ANKRD50: variants seen among roughly 807,000 people sequenced by gnomAD.
The protein encoded by ANKRD50 is ankyrin repeat domain-containing protein 50.
In ANKRD50, 40 loss-of-function variants were observed where a neutral mutation model predicts 112.0. The observed-to-expected ratio is 0.36, with a 90% CI of 0.28 to 0.46. The LOEUF (loss-of-function observed/expected upper bound fraction) is 0.46, where lower values mean the gene tolerates loss of function less well. Ranked by LOEUF, ANKRD50 falls within the 20% of genes least tolerant of loss-of-function variation. The pLI is 1.00. For missense variants in ANKRD50, 1,487 were observed against 1,701.7 expected (o/e 0.87, Z 2.22); for synonymous variants, 613 against 619.1 (o/e 0.99, Z 0.15).
At chr4:124,708,383 G>T (rs1725552767) in intron 2 of ANKRD50, among the ~76,000 whole-genome samples, 3 of 152,042 alleles carry the variant, frequency 2.0e-5, no homozygotes. Flanking sequence ...AACAACAAAA[G>T]ATAATAGATT....
At chr4:124,708,962 G>C (rs1725567249) in intron 2 of ANKRD50, among the ~76,000 whole-genome samples, 1 of 151,076 alleles carries the variant, frequency 6.6e-6, no homozygotes, top group African/African-American at 2.4e-5. Flanking sequence ...AAAATGTATA[G>C]ATTTCACCCC....
rs141676247 is a variant in ANKRD50 at position 124,669,348 on chromosome 4, A to G, written c.3929T>C (p.Ile1310Thr). The change falls in exon 4 of 5, where the codon ATA becomes ACA. Residue 1310 changes from isoleucine to threonine, a missense_variant. Ile to Thr is a moderately conservative substitution (Grantham distance 89, BLOSUM62 -1). Coordinates refer to ENST00000504087, the MANE Select transcript of ANKRD50 (RefSeq NM_020337.3). The stretch of plus-strand genomic sequence containing the variant: ...TGGTGCAGCAGTCCCGGATTTGGCT[A>G]TAGGTCCTCTTCTATCAAACTGAGT... ...EMTQFDRRGP[I>T]AKSGTAAPPK... The G allele has an allele frequency of 6.2e-7, 1 of 1,613,596 alleles. No homozygotes were observed. Among genetic ancestry groups the G allele is most frequent in the Non-Finnish European group, 8.5e-7 (1 of 1,179,826 alleles).
At chr4:124,707,009 A>G (rs1023067039) in intron 2 of ANKRD50, among the ~76,000 whole-genome samples, 10 of 152,082 alleles carry the variant, frequency 6.6e-5, no homozygotes, top group Non-Finnish European at 1.5e-5. Context: ...AAGAATCTTA[A>G]GTTGAACTAT....
intron 2 of ANKRD50, among the ~76,000 whole-genome samples, chr4:124,702,948 A>G (rs1725422723): frequency 6.6e-6 from 1 of 152,072 alleles, no homozygotes; most frequent in Non-Finnish European, 1.5e-5. Flanking sequence ...GGGACTACCA[A>G]GTGAAAGGAT....
Position 124,671,843 on chromosome 4 carries a change from A to G in ANKRD50, c.1434T>C (p.Asn478=), listed in dbSNP as rs148692771. The G allele has an allele frequency of 3.6e-4, 581 of 1,613,916 alleles. No homozygotes were observed. Among genetic ancestry groups the G allele is most frequent in the Non-Finnish European group, 4.6e-4 (543 of 1,179,880 alleles). Residue 478 remains asparagine, a synonymous_variant, in exon 4 of 5, where the codon AAT becomes AAC. Coordinates refer to ENST00000504087, the MANE Select transcript of ANKRD50 (RefSeq NM_020337.3). ...TAELALWMIW[N]GTPVRDSLST... The stretch of plus-strand genomic sequence containing the variant: ...AAAGGGAATCTCTGACAGGTGTACC[A>G]TTCCATATCATCCACAGAGCTAACT...
chr4:124,670,155 G>A lies in ANKRD50; in HGVS notation c.3122C>T (p.Thr1041Ile), dbSNP rs1730602755. The change falls in exon 4 of 5, where the codon ACA (threonine) becomes ATA (isoleucine). Residue 1041 changes from threonine to isoleucine, a missense_variant. Physicochemically the swap from Thr to Ile is moderately conservative, Grantham distance 89. This residue lies in a region of ANKRD50 where 1,046 missense variants were observed against 1,269.5 expected (regional missense o/e 0.82). Coordinates refer to ENST00000504087, the MANE Select transcript of ANKRD50 (RefSeq NM_020337.3). ...LIEHGAVVDH[T>I]CNQGATALCI... The stretch of plus-strand genomic sequence containing the variant: ...GAGTGCAGTTGCACCTTGGTTACAT[G>A]TATGGTCAACTACAGCACCATGCTC... 6.2e-7 allele frequency: 1 copy of A among 1,612,076 alleles called. No homozygotes were observed. The highest frequency in any genetic ancestry group is 8.5e-7 in the Non-Finnish European group (1 of 1,179,422).
chr4:124,691,316 C>G (rs1267051695), intron 2 of ANKRD50, among the ~76,000 whole-genome samples: 2 of 150,926 alleles, frequency 1.3e-5, no homozygotes, highest in African/African-American at 4.9e-5. Flanking sequence ...CAAGGTGAAA[C>G]CCCGTCTCTA....
intron 2 of ANKRD50, among the ~76,000 whole-genome samples, chr4:124,708,760 C>T (rs977003954): frequency 6.7e-6 from 1 of 149,928 alleles, no homozygotes; most frequent in Non-Finnish European, 1.5e-5. Flanking sequence ...CTGCCATTTA[C>T]TAGTCTGTAA....
At position 124,666,325 on chromosome 4, in the gene ANKRD50, GA is replaced by G. The variant is rs1730489576; in HGVS notation, c.*1192del. 1 of 152,416 alleles carries G rather than the reference GA, an allele frequency of 6.6e-6. No homozygotes were observed. Among genetic ancestry groups the G allele is most frequent in the South Asian group, 2.1e-4 (1 of 4,822 alleles). The allele number at this position is 152,416 out of a possible 1,614,324, so 9.4% of individuals were successfully genotyped here. A position where few individuals can be genotyped will look rare whatever the true frequency, so the allele number is the denominator to read the frequency against. On this transcript the variant is annotated 3_prime_UTR_variant, in exon 5 of 5. Coordinates refer to ENST00000504087, the MANE Select transcript of ANKRD50 (RefSeq NM_020337.3). ...TGCAATTGTACAAAGAAGAAAACAGGAAAGAGTATGAGGATAGAAAAGTGCA... is the reference window on the plus strand; with the variant it reads ...TGCAATTGTACAAAGAAGAAAACAGGAAGAGTATGAGGATAGAAAAGTGCA...
chr4:124,673,847 T>A (rs1198199625), intron 3 of ANKRD50, among the ~76,000 whole-genome samples: 1 of 152,122 alleles, frequency 6.6e-6, no homozygotes, highest in Non-Finnish European at 1.5e-5. Flanking sequence ...GCCCTTTGTA[T>A]ATAGATTTAT....
rs1730514428 is a variant in ANKRD50, at chr4:124,667,188, C to T, written c.*330G>A. ...TATATATTTGATTATGGCACATGCA[C>T]ATTTTTTATCACATCTTAACTTAAA... is the stretch of plus-strand genomic sequence containing the variant. On this transcript the variant is annotated 3_prime_UTR_variant, in exon 5 of 5. Transcript: ENST00000504087. The T allele has an allele frequency of 6.6e-6, 1 of 151,982 alleles. No homozygotes were observed. 9.4% of individuals were successfully genotyped at this position (151,982 alleles called of 1,614,324 possible).
chr4:124,679,622 T>G (rs2110513202), intron 2 of ANKRD50, among the ~76,000 whole-genome samples: 1 of 152,272 alleles, frequency 6.6e-6, no homozygotes, highest in East Asian at 1.9e-4. Flanking sequence ...GTGGGGTCAA[T>G]AAGGTGCTGA....
intron 2 of ANKRD50, among the ~76,000 whole-genome samples, chr4:124,709,102 C>T (rs1159814605): frequency 6.6e-6 from 1 of 150,778 alleles, no homozygotes; most frequent in Non-Finnish European, 1.5e-5. Flanking sequence ...GCACAGTATA[C>T]CAGAATCTTT....
In ANKRD50 at chr4:124,711,126, T is replaced by C. The variant is rs1725621472; in HGVS notation, c.-615A>G. 5.1e-6 allele frequency: 1 copy of C among 195,020 alleles called. No individual in the cohort carries two copies. The highest frequency in any genetic ancestry group is 2.3e-5 in the African/African-American group (1 of 43,312). 12.1% of individuals were successfully genotyped at this position (195,020 alleles called of 1,614,324 possible). A position where few individuals can be genotyped will look rare whatever the true frequency, so the allele number is the denominator to read the frequency against. ...GGAACTGTTTCAGATTATAGTCTCT[T>C]ATGTGGCAGAAATGACAACCACTGT... On this transcript the variant is annotated 5_prime_UTR_variant, in exon 2 of 5. The change creates a new upstream start codon in the 5' untranslated region. Coordinates refer to ENST00000504087, the MANE Select transcript of ANKRD50 (RefSeq NM_020337.3).
At chr4:124,699,927 C>A (rs1725350812) in intron 2 of ANKRD50, among the ~76,000 whole-genome samples, 1 of 151,954 alleles carries the variant, frequency 6.6e-6, no homozygotes, top group Non-Finnish European at 1.5e-5. Flanking sequence ...GTATTATAAG[C>A]CCTGGATACA....
In ANKRD50 at chr4:124,669,942, G is replaced by A. The variant is rs1218345719; in HGVS notation, c.3335C>T (p.Pro1112Leu). Reference sequence around the variant, plus strand: ...AGGTTTTTGCTCCATTGTGTGAACAGGAGATGGGGAACAGCCATTCAAACT... The same window carrying A: ...AGGTTTTTGCTCCATTGTGTGAACAAGAGATGGGGAACAGCCATTCAAACT... The part of the protein sequence containing the change: ...ASSLNGCSPS[P>L]VHTMEQKPLQ... The change falls in exon 4 of 5, where the codon CCT becomes CTT. Residue 1112 changes from proline (P) to leucine (L), a missense_variant. Pro to Leu is a moderately conservative substitution (Grantham distance 98). This residue lies in a region of ANKRD50 where 441 missense variants were observed against 432.2 expected (regional missense o/e 1.02). Transcript: ENST00000504087. 4 of 1,612,966 alleles carry A rather than the reference G, an allele frequency of 2.5e-6. No homozygotes were observed. The highest frequency in any genetic ancestry group is 1.1e-5 in the South Asian group (1 of 90,772).
At position 124,669,838 on chromosome 4, in the gene ANKRD50, GCATAT is replaced by G; in HGVS notation, c.3434_3438del (p.Asp1145AlafsTer9). 2 of 1,612,784 alleles carry G rather than the reference GCATAT, an allele frequency of 1.2e-6. No individual in the cohort carries two copies. Among genetic ancestry groups the G allele is most frequent in the Non-Finnish European group, 1.7e-6 (2 of 1,179,630 alleles). On this transcript the variant is annotated frameshift_variant, in exon 4 of 5. Coordinates refer to ENST00000504087, the MANE Select transcript of ANKRD50 (RefSeq NM_020337.3). LOFTEE classifies it high-confidence loss of function. ...TTAGGTAAACCACGTAACGAAGGCT[GCATAT>G]CCCCTCCACCAGTACTACCAGAGCT...
chr4:124,706,219 G>C (rs565032786), intron 2 of ANKRD50, among the ~76,000 whole-genome samples: 1 of 152,072 alleles, frequency 6.6e-6, no homozygotes, highest in Non-Finnish European at 1.5e-5. Flanking sequence ...CACACAGAAG[G>C]TTCTTAATAA....
At chr4:124,679,673 G>T (rs1724830436) in intron 2 of ANKRD50, among the ~76,000 whole-genome samples, 1 of 152,106 alleles carries the variant, frequency 6.6e-6, no homozygotes, top group South Asian at 2.1e-4. Flanking sequence ...ATCCAGTTAT[G>T]CACACCAGAA....
Sources: allele counts gnomAD v4.1 joint callset (sites outside exome capture counted in the v4.1 genomes callset), GRCh38; gene constraint gnomAD v4.1.1; regional missense constraint gnomAD v4.1.1; transcripts MANE v1.5; gene names NCBI Gene and HGNC (gene_info 2026-07-23, HGNC 2026-07-21).